CHN1: variants seen among roughly 807,000 people sequenced by gnomAD.
CHN1 encodes N-chimaerin.
Under a neutral mutation model 59.5 loss-of-function variants are expected in CHN1, and 37 were observed. That is an observed-to-expected ratio of 0.62 (90% CI 0.48 to 0.82). The LOEUF (loss-of-function observed/expected upper bound fraction) is 0.82, where lower values mean the gene tolerates loss of function less well. Ranked by LOEUF, CHN1 falls within the 40% of genes least tolerant of loss-of-function variation. CHN1 has a pLI of 0.00. For synonymous variants in CHN1, 206 were observed against 200.4 expected (o/e 1.03, Z -0.24); for missense variants, 469 against 571.0 (o/e 0.82, Z 1.82).
intron 6 of CHN1, among the ~76,000 whole-genome samples, chr2:174,863,089 T>C (rs1687116212): frequency 6.6e-6 from 1 of 152,176 alleles, no homozygotes; most frequent in Admixed American, 6.5e-5. Context: ...CTTGACAGCT[T>C]CCTACTACTT....
intron 5 of CHN1, among the ~76,000 whole-genome samples, chr2:174,912,358 A>G (rs1468540957): frequency 6.6e-6 from 1 of 152,182 alleles, no homozygotes; most frequent in Non-Finnish European, 1.5e-5. Context: ...AAAAACTGAA[A>G]ATAATTTCTT....
chr2:174,830,049 C>T (rs1046847846), intron 7 of CHN1, among the ~76,000 whole-genome samples: 17 of 151,928 alleles, frequency 1.1e-4, no homozygotes, highest in South Asian at 2.1e-4. Context: ...TGGCTAACAA[C>T]GGTGAAACCC....
intron 3 of CHN1, among the ~76,000 whole-genome samples, chr2:174,937,801 C>T (rs1247853803): frequency 1.3e-5 from 2 of 152,070 alleles, no homozygotes; most frequent in Non-Finnish European, 2.9e-5. Context: ...ATATTTCTTG[C>T]TCCCTCAGTT....
chr2:174,890,824 T>C (rs1253057291), intron 5 of CHN1, among the ~76,000 whole-genome samples: 1 of 152,108 alleles, frequency 6.6e-6, no homozygotes, highest in Non-Finnish European at 1.5e-5. Context: ...TTAGATCATG[T>C]GTTAGGCCTC....
intron 5 of CHN1, 126 bp from the exon 6 acceptor site, chr2:174,878,254 C>T: frequency 1.2e-6 from 1 of 831,094 alleles, no homozygotes; most frequent in Non-Finnish European, 1.8e-6. Flanking sequence ...TTTAAATAAG[C>T]TGTGGCTAAT....
At chr2:174,862,817 T>C (rs1333752434) in intron 6 of CHN1, among the ~76,000 whole-genome samples, 1 of 151,220 alleles carries the variant, frequency 6.6e-6, no homozygotes, top group Non-Finnish European at 1.5e-5. Context: ...CTGGGTTCCC[T>C]TTAGAGATGG....
intron 1 of CHN1, among the ~76,000 whole-genome samples, chr2:174,999,602 A>C (rs1025619147): frequency 3.9e-5 from 6 of 152,200 alleles, no homozygotes; most frequent in Admixed American, 2.0e-4. Context: ...CTGCCTCACT[A>C]TTTTATGATT....
chr2:174,927,451 C>T (rs1347206131), intron 3 of CHN1, among the ~76,000 whole-genome samples: 5 of 152,052 alleles, frequency 3.3e-5, no homozygotes, highest in Non-Finnish European at 5.9e-5. Flanking sequence ...TCAACAAAGA[C>T]AATAAAAGCT....
rs530133362 is a variant in CHN1 at position 175,005,201 on chromosome 2, G to T, written c.-289C>A. 1.6e-6 allele frequency: 2 copies of T among 1,232,714 alleles called. No homozygotes were observed. Among genetic ancestry groups the T allele is most frequent in the South Asian group, 2.1e-5 (1 of 47,700 alleles). The allele number at this position is 1,232,714 out of a possible 1,614,324, so 76.4% of individuals were successfully genotyped here. On this transcript the variant is annotated 5_prime_UTR_variant, in exon 1 of 13. Transcript: ENST00000409900. The stretch of plus-strand genomic sequence containing the variant: ...GGCGCGGAGCGTGCGCGCGGGAGGA[G>T]GTACCTGCGAGGCAGGAGGCTTGGC...
chr2:174,941,962 T>C (rs1430550889), intron 3 of CHN1, among the ~76,000 whole-genome samples: 2 of 152,170 alleles, frequency 1.3e-5, no homozygotes, highest in African/African-American at 2.4e-5. Context: ...TCAAAACCAC[T>C]GTTAGTATGT....
chr2:174,978,675 T>A (rs1691035752), intron 1 of CHN1, among the ~76,000 whole-genome samples: 1 of 152,266 alleles, frequency 6.6e-6, no homozygotes, highest in Admixed American at 6.5e-5. Flanking sequence ...CTGGTTCTTT[T>A]TTCACTTACA....
At chr2:174,912,929 T>C (rs1574157035) in intron 5 of CHN1, among the ~76,000 whole-genome samples, 2 of 152,150 alleles carry the variant, frequency 1.3e-5, no homozygotes, top group South Asian at 2.1e-4. Flanking sequence ...ACCCCAGAGA[T>C]ATTAATTTGA....
At chr2:174,926,323 C>G (rs1482984143) in intron 3 of CHN1, among the ~76,000 whole-genome samples, 1 of 151,802 alleles carries the variant, frequency 6.6e-6, no homozygotes, top group Non-Finnish European at 1.5e-5. Context: ...TACCTCAGGC[C>G]CCTGAGTAGC....
intron 1 of CHN1, among the ~76,000 whole-genome samples, chr2:174,997,535 G>GT (rs1691745855): frequency 6.6e-6 from 1 of 152,088 alleles, no homozygotes; most frequent in African/African-American, 2.4e-5. Context: ...ATGTTTAATA[G>GT]TGTAAATTTC....
At chr2:174,928,910 A>G (rs973428384) in intron 3 of CHN1, among the ~76,000 whole-genome samples, 2 of 152,214 alleles carry the variant, frequency 1.3e-5, no homozygotes, top group Admixed American at 1.3e-4. Context: ...AATCTTCAAG[A>G]AAAAAACTGA....
chr2:174,883,625 G>A (rs928854269), intron 5 of CHN1, among the ~76,000 whole-genome samples: 6 of 151,992 alleles, frequency 3.9e-5, no homozygotes, highest in African/African-American at 1.5e-4. Context: ...TGACATCTGA[G>A]GAAAACTCCC....
intron 10 of CHN1, 111 bp from the exon 11 acceptor site, chr2:174,809,153 TTTTTAAC>T: frequency 9.7e-7 from 1 of 1,027,046 alleles, no homozygotes; most frequent in Non-Finnish European, 1.4e-6. Context: ...AATTCTTCAG[TTTTTAAC>T]GTAAAATTTA....
chr2:174,860,363 T>C (rs1434200416), intron 6 of CHN1, among the ~76,000 whole-genome samples: 2 of 152,160 alleles, frequency 1.3e-5, no homozygotes, highest in East Asian at 3.8e-4. Context: ...TGAGTAATTA[T>C]ATAATTAGGA....
intron 1 of CHN1, among the ~76,000 whole-genome samples, chr2:174,997,368 T>G (rs972808543): frequency 6.6e-6 from 1 of 152,206 alleles, no homozygotes; most frequent in Non-Finnish European, 1.5e-5. Context: ...CTACTTTCTT[T>G]TCTCTTACAG....
Sources: gnomAD v4.1 joint callset for allele counts (sites outside exome capture counted in the v4.1 genomes callset) on GRCh38, gnomAD v4.1.1 for gene constraint, MANE v1.5 for transcripts, NCBI Gene and HGNC (gene_info 2026-07-23, HGNC 2026-07-21) for gene names.